WDHD1: variants seen among roughly 807,000 people sequenced by gnomAD.
The protein encoded by WDHD1 is WD repeat and HMG-box DNA binding protein 1.
In WDHD1, 111 loss-of-function variants were observed where a neutral mutation model predicts 135.4. That is an observed-to-expected ratio of 0.82 (90% CI 0.70 to 0.96). The LOEUF (loss-of-function observed/expected upper bound fraction) is 0.96. Among genes scored for constraint, WDHD1 ranks in the 40% least tolerant of loss-of-function variants. The pLI is 0.00. For missense variants in WDHD1, 1,351 were observed against 1,336.3 expected (o/e 1.01, Z -0.17); for synonymous variants, 434 against 439.0 (o/e 0.99, Z 0.14).
At chr14:55,002,242 AGG>A in intron 7 of WDHD1, 57 bp from the exon 8 acceptor site, 1 of 1,212,836 alleles carries the variant, frequency 8.2e-7, no homozygotes, top group Non-Finnish European at 1.2e-6. Flanking sequence ...AATTTGAAGA[AGG>A]AAAAAGGCAC....
At position 54,963,172 on chromosome 14, in the gene WDHD1, G is replaced by T; in HGVS notation, c.2311C>A (p.Leu771Ile). Residue 771 changes from leucine (L) to isoleucine (I), a missense_variant and splice_region_variant, in exon 19 of 26, where the codon CTT (leucine) becomes ATT (isoleucine). Coordinates refer to ENST00000360586, the MANE Select transcript of WDHD1 (RefSeq NM_007086.4). ...AATTCTCGCTCCAGTTTACAAGAAA[G>T]CTAATCCAAAAAGGGGGGGGGGGGG... ...QQELLMKMLA[L>I]SCKLEREFRC... 4 of 233,550 alleles carry T rather than the reference G, an allele frequency of 1.7e-5. No individual in the cohort carries two copies. The highest frequency in any genetic ancestry group is 1.3e-4 in the East Asian group (1 of 7,866). The allele number at this position is 233,550 out of a possible 1,614,324, so 14.5% of individuals were successfully genotyped here.
intron 2 of WDHD1, among the ~76,000 whole-genome samples, chr14:55,020,359 TCAC>T (rs1375143165): frequency 1.3e-5 from 2 of 152,212 alleles, no homozygotes; most frequent in Non-Finnish European, 2.9e-5. Context: ...TCAACCTGAC[TCAC>T]CAGGAGCATT....
At chr14:55,011,524 CAAAAAAAAAAAAA>C (rs60615259) in intron 3 of WDHD1, among the ~76,000 whole-genome samples, 5 of 50,996 alleles carry the variant, frequency 9.8e-5, no homozygotes, top group South Asian at 2.6e-3. Flanking sequence ...AACTCTGTCT[CAAAAAAAAAAAAA>C]AAAAAAAAAA....
chr14:55,006,559 T>C (rs970226051), intron 7 of WDHD1, among the ~76,000 whole-genome samples: 23 of 152,198 alleles, frequency 1.5e-4, no homozygotes, highest in Non-Finnish European at 2.5e-4. Context: ...GATTTACTCA[T>C]ATACAAACAT....
intron 11 of WDHD1, among the ~76,000 whole-genome samples, chr14:54,994,964 T>TA (rs1319612151): frequency 3.3e-5 from 5 of 152,096 alleles, no homozygotes; most frequent in African/African-American, 1.2e-4. Context: ...CCACGATAGA[T>TA]ATTTATTAAT....
intron 7 of WDHD1, among the ~76,000 whole-genome samples, chr14:55,006,144 G>A (rs72715575): frequency 0.18 from 27,606 of 152,070 alleles, 2,582 homozygotes; most frequent in Admixed American, 0.22. Context: ...GATTATAGGT[G>A]TGAGCCACCA....
intron 11 of WDHD1, among the ~76,000 whole-genome samples, chr14:54,991,688 AC>A (rs1379475258): frequency 1.3e-5 from 2 of 152,150 alleles, no homozygotes; most frequent in Non-Finnish European, 2.9e-5. Flanking sequence ...TTAAATCTTG[AC>A]GCTTACACAG....
rs200925562 is a variant in WDHD1, at chr14:54,962,862, A to C, written c.2532-9T>G. 199 of 1,611,396 alleles carry C rather than the reference A, an allele frequency of 1.2e-4. No homozygotes were observed. The highest frequency in any genetic ancestry group is 3.3e-4 in the Middle Eastern group (2 of 6,084). Reference sequence around the variant, plus strand: ...TAGCAGTATTGCTGTAACTAAGAGAAAATAATATTATTCAATAAAGAGCTA... The same window carrying C: ...TAGCAGTATTGCTGTAACTAAGAGACAATAATATTATTCAATAAAGAGCTA... On this transcript the variant is annotated splice_polypyrimidine_tract_variant and intron_variant, in intron 19 of 25. Coordinates refer to ENST00000360586, the MANE Select transcript of WDHD1 (RefSeq NM_007086.4).
chr14:54,971,489 G>GCAGA (rs1015619127), intron 16 of WDHD1, among the ~76,000 whole-genome samples: 2 of 152,026 alleles, frequency 1.3e-5, no homozygotes, highest in African/African-American at 4.8e-5. Flanking sequence ...ATAGCCATAT[G>GCAGA]CACACACACA....
chr14:54,952,036 T>C (rs2041065612), intron 24 of WDHD1, among the ~76,000 whole-genome samples: 1 of 152,196 alleles, frequency 6.6e-6, no homozygotes, highest in Non-Finnish European at 1.5e-5. Context: ...GCCAATATCA[T>C]ACTGAATGGG....
At chr14:55,018,464 T>C (rs371013148) in intron 2 of WDHD1, among the ~76,000 whole-genome samples, 2 of 152,332 alleles carry the variant, frequency 1.3e-5, no homozygotes, top group South Asian at 4.1e-4. Flanking sequence ...TTTTTAATTG[T>C]ATTAATTTAT....
chr14:55,021,053 G>A (rs894900052), intron 2 of WDHD1, among the ~76,000 whole-genome samples: 1 of 152,156 alleles, frequency 6.6e-6, no homozygotes, highest in Non-Finnish European at 1.5e-5. Context: ...GGAAGTAGAG[G>A]AGGAGGCAGG....
chr14:54,944,680 C>T (rs1403975765), intron 24 of WDHD1: 6 of 320,132 alleles, frequency 1.9e-5, no homozygotes, highest in Admixed American at 5.9e-5. Context: ...AGTGCAATGG[C>T]GCGATCTCAG....
At chr14:54,998,292 G>C (rs560529411) in intron 10 of WDHD1, among the ~76,000 whole-genome samples, 1 of 151,998 alleles carries the variant, frequency 6.6e-6, no homozygotes, top group Non-Finnish European at 1.5e-5. Context: ...AATTAGCCCA[G>C]CTAATTTTTG....
Position 54,966,487 on chromosome 14 carries a change from C to T in WDHD1, c.2298G>A (p.Met766Ile), listed in dbSNP as rs779168075. The T allele has an allele frequency of 1.3e-6, 2 of 1,599,022 alleles. No homozygotes were observed. The highest frequency in any genetic ancestry group is 2.2e-5 in the East Asian group (1 of 44,760). ...QATKEQQELL[M>I]KMLALSCKLE... is the part of the protein sequence containing the mutation. ...TTATTTTACTCACCGCAAGCATTTT[C>T]ATTAAAAGTTCCTGTTGCTCTTTTG... The change falls in exon 18 of 26, where the codon ATG becomes ATA. Residue 766 changes from methionine (M) to isoleucine (I), a missense_variant. By Grantham distance (10) the Met-to-Ile change is conservative (BLOSUM62 1). This residue lies in a region of WDHD1 where 1,330 missense variants were observed against 1,296.1 expected (regional missense o/e 1.03). Coordinates refer to ENST00000360586, the MANE Select transcript of WDHD1 (RefSeq NM_007086.4).
intron 21 of WDHD1, among the ~76,000 whole-genome samples, chr14:54,961,817 C>T (rs563574025): frequency 6.1e-4 from 92 of 151,952 alleles, no homozygotes; most frequent in African/African-American, 2.0e-3. Flanking sequence ...GGCCCACTCC[C>T]TGTACGCAAC....
Position 54,995,728 on chromosome 14 carries a change from G to T in WDHD1, c.1028C>A (p.Ala343Glu), listed in dbSNP as rs1387209235. The change falls in exon 11 of 26, where the codon GCA (alanine) becomes GAA (glutamate). Residue 343 changes from alanine to glutamate, a missense_variant. This residue lies in a region of WDHD1 where 1,330 missense variants were observed against 1,296.1 expected (regional missense o/e 1.03). Transcript: ENST00000360586. ...SNAGDFLNDNAVEIPSFSKGI... is the reference protein window; with the variant it reads ...SNAGDFLNDNEVEIPSFSKGI... ...TTTTGAAAAAGAAGGGATCTCAACTGCATTGTCATTTAGAAAATCACCAGC... is the reference window on the plus strand; with the variant it reads ...TTTTGAAAAAGAAGGGATCTCAACTTCATTGTCATTTAGAAAATCACCAGC... 1.9e-6 allele frequency: 3 copies of T among 1,613,226 alleles called. No individual in the cohort carries two copies. Among genetic ancestry groups the T allele is most frequent in the Non-Finnish European group, 2.5e-6 (3 of 1,179,676 alleles).
chr14:54,997,089 C>CT (rs71131246), intron 10 of WDHD1, among the ~76,000 whole-genome samples: 811 of 41,172 alleles, frequency 0.02, 43 homozygotes, highest in African/African-American at 0.06. Context: ...AGCGCCCAGC[C>CT]TTTTTTTTTT....
Position 54,987,146 on chromosome 14 carries a change from C to T in WDHD1, c.1768G>A (p.Gly590Ser). ...GEQLFIVYHR[G>S]TGFDGDQCLG... ...TCATAAAAGACTGAAAAAAATCTAC[C>T]TCTGTGATAAACAATGAAAAGCTGT... The change falls in exon 14 of 26, where the codon GGT (glycine) becomes AGT (serine). Residue 590 changes from glycine to serine, a missense_variant and splice_region_variant. Gly to Ser is a moderately conservative substitution (Grantham distance 56). This residue lies in a region of WDHD1 where 1,330 missense variants were observed against 1,296.1 expected (regional missense o/e 1.03). Transcript: ENST00000360586. 2 of 1,613,082 alleles carry T rather than the reference C, an allele frequency of 1.2e-6. No homozygotes were observed.
Sources: gnomAD v4.1 joint callset for allele counts (sites outside exome capture counted in the v4.1 genomes callset) on GRCh38, gnomAD v4.1.1 for gene constraint, gnomAD v4.1.1 regional missense constraint, MANE v1.5 for transcripts, NCBI Gene and HGNC (gene_info 2026-07-23, HGNC 2026-07-21) for gene names.